SH3GL1: variants seen among roughly 807,000 people sequenced by gnomAD.
The protein encoded by SH3GL1 is SH3 domain containing GRB2 like 1, endophilin A2, also known as endophilin-A2.
SH3GL1 carries 21 observed loss-of-function variants against 48.8 expected under a neutral mutation model. The ratio of observed to expected loss-of-function variants is 0.43; its 90% CI spans 0.30 to 0.62. SH3GL1 has a LOEUF of 0.62. Among genes scored for constraint, SH3GL1 ranks in the 20% least tolerant of loss-of-function variants. The pLI is 0.11. For synonymous variants in SH3GL1, 282 were observed against 217.5 expected (o/e 1.30, Z -2.61); for missense variants, 454 against 503.0 (o/e 0.90, Z 0.93).
chr19:4,382,478 C>T (rs1193064893), intron 1 of SH3GL1, among the ~76,000 whole-genome samples: 3 of 151,826 alleles, frequency 2.0e-5, no homozygotes, highest in African/African-American at 7.3e-5. Context: ...AGGATGGTCT[C>T]GATCTCCTGA....
intron 1 of SH3GL1, among the ~76,000 whole-genome samples, chr19:4,381,135 CT>C (rs1328540771): frequency 1.6e-5 from 2 of 125,682 alleles, no homozygotes; most frequent in Admixed American, 1.6e-4. Flanking sequence ...CTCTATCCCC[CT>C]GCCTCTCTGT....
chr19:4,363,932 C>T (rs1050027926), intron 5 of SH3GL1, 54 bp from the exon 6 acceptor site: 13 of 1,610,076 alleles, frequency 8.1e-6, no homozygotes, highest in Admixed American at 3.3e-5. Flanking sequence ...GGCCGCCCCA[C>T]GCATGGCTTT....
intron 1 of SH3GL1, among the ~76,000 whole-genome samples, chr19:4,396,760 C>T (rs554441558): frequency 4.6e-5 from 7 of 152,022 alleles, no homozygotes; most frequent in Non-Finnish European, 8.8e-5. Context: ...CCCTGGGCAC[C>T]GGAGGATGTC....
chr19:4,361,852 C>A, intron 9 of SH3GL1, 56 bp from the exon 10 acceptor site: 9 of 1,312,112 alleles, frequency 6.9e-6, no homozygotes, highest in South Asian at 2.4e-5. Flanking sequence ...CCCGCCCAGT[C>A]TGGGGTCTCA....
chr19:4,399,807 G>C (rs894408653), intron 1 of SH3GL1, among the ~76,000 whole-genome samples: 1 of 152,240 alleles, frequency 6.6e-6, no homozygotes, highest in Non-Finnish European at 1.5e-5. Flanking sequence ...GGGACATACG[G>C]AGTCGATGAC....
In SH3GL1 at chr19:4,365,546, C is replaced by T. The variant is rs373649255; in HGVS notation, c.267G>A (p.Ser89=). Residue 89 remains serine, a synonymous_variant, in exon 4 of 10, where the codon TCG becomes TCA. Transcript: ENST00000269886. ...TCATGCACTCGCCCAGAAGCCCCTC[C>T]GACTGCGGGTAGCCGGGGTTCTTCA... The part of the protein sequence containing the change: ...GQVKNPGYPQ[S]EGLLGECMIR... The T allele has an allele frequency of 2.9e-5, 47 of 1,613,932 alleles. No homozygotes were observed. The highest frequency in any genetic ancestry group is 2.2e-4 in the East Asian group (10 of 44,894).
chr19:4,373,744 A>G (rs757567291), intron 1 of SH3GL1, among the ~76,000 whole-genome samples: 4 of 152,044 alleles, frequency 2.6e-5, no homozygotes, highest in Non-Finnish European at 5.9e-5. Context: ...GCTCTGCCTC[A>G]GACCAGGCCA....
Position 4,361,229 on chromosome 19 carries a change from C to T in SH3GL1, c.*371G>A, listed in dbSNP as rs906491872. On this transcript the variant is annotated 3_prime_UTR_variant, in exon 10 of 10. Coordinates refer to ENST00000269886, the MANE Select transcript of SH3GL1 (RefSeq NM_003025.4). ...GGTAGGCAGTGGGCCGGGCCCCCGT[C>T]GGGTCAGGACGGAGGTGGGGGCTGC... 3 of 312,982 alleles carry T rather than the reference C, an allele frequency of 9.6e-6. No homozygotes were observed. The highest frequency in any genetic ancestry group is 2.1e-5 in the African/African-American group (1 of 46,968). 19.4% of individuals were successfully genotyped at this position (312,982 alleles called of 1,614,324 possible).
intron 1 of SH3GL1, among the ~76,000 whole-genome samples, chr19:4,368,924 T>C (rs372755247): frequency 4.6e-5 from 7 of 151,954 alleles, no homozygotes; most frequent in African/African-American, 1.7e-4. Flanking sequence ...ACAAAAAAAT[T>C]AGCCGGGCCT....
In SH3GL1 at chr19:4,374,298, AGCCAGGG is replaced by A. The variant is rs138874084; in HGVS notation, c.46-7311_46-7305del. On this transcript the variant is annotated intron_variant, in intron 1 of 9. Transcript: ENST00000269886. Reference sequence around the variant, plus strand: ...TCAGCGGTGGCCACAACAGAGTGGCAGCCAGGGGCCAGGGGCCAGCTCTGTGACCATC... The same window carrying A: ...TCAGCGGTGGCCACAACAGAGTGGCAGCCAGGGGCCAGCTCTGTGACCATC... Among the ~76,000 whole-genome samples, 223 of 152,322 alleles carry A rather than the reference AGCCAGGG, an allele frequency of 1.5e-3. 1 individual carries two copies. The highest frequency in any genetic ancestry group is 5.1e-3 in the African/African-American group (214 of 41,576).
At chr19:4,384,145 C>T (rs972990565) in intron 1 of SH3GL1, among the ~76,000 whole-genome samples, 6 of 152,202 alleles carry the variant, frequency 3.9e-5, no homozygotes, top group African/African-American at 1.4e-4. Flanking sequence ...AAACTGAAAA[C>T]GCAGGCTCCA....
intron 6 of SH3GL1, 85 bp from the exon 7 acceptor site, chr19:4,363,558 C>A: frequency 6.8e-7 from 1 of 1,472,072 alleles, no homozygotes; most frequent in East Asian, 2.4e-5. Context: ...CCACAGGAGG[C>A]AAGGGGGCTG....
chr19:4,399,673 G>T (rs1973487206), intron 1 of SH3GL1, among the ~76,000 whole-genome samples: 1 of 152,188 alleles, frequency 6.6e-6, no homozygotes, highest in African/African-American at 2.4e-5. Context: ...TGCCGACGGA[G>T]GGGGAGAAAT....
At chr19:4,366,313 AG>A (rs1358391771) in intron 3 of SH3GL1, among the ~76,000 whole-genome samples, 187 bp downstream of exon 3, 2 of 152,086 alleles carry the variant, frequency 1.3e-5, no homozygotes, top group Non-Finnish European at 2.9e-5. Context: ...AAGCCAACAG[AG>A]GGGCTGAGCT....
chr19:4,364,040 A>G (rs1156329791), intron 5 of SH3GL1, 48 bp downstream of exon 5: 1 of 1,609,674 alleles, frequency 6.2e-7, no homozygotes, highest in African/African-American at 1.3e-5. Flanking sequence ...GGGCTGCCCC[A>G]TCCGGCAGGG....
chr19:4,384,200 T>C (rs1973191647), intron 1 of SH3GL1, among the ~76,000 whole-genome samples: 1 of 152,114 alleles, frequency 6.6e-6, no homozygotes, highest in Non-Finnish European at 1.5e-5. Context: ...GTGAGGAGGA[T>C]GCCCAGCAGA....
chr19:4,370,859 A>G (rs1254766033), intron 1 of SH3GL1, among the ~76,000 whole-genome samples: 1 of 152,230 alleles, frequency 6.6e-6, no homozygotes, highest in African/African-American at 2.4e-5. Context: ...GGCCTCTGGG[A>G]AGGATCCCAC....
At chr19:4,365,418 C>G (rs1351005059) in intron 4 of SH3GL1, 64 bp downstream of exon 4, 1 of 1,604,950 alleles carries the variant, frequency 6.2e-7, no homozygotes, top group Admixed American at 1.7e-5. Context: ...CTGGACCTGC[C>G]CTGCCTGTGT....
intron 2 of SH3GL1, 121 bp from the exon 3 acceptor site, chr19:4,366,694 C>G: frequency 9.9e-7 from 1 of 1,006,918 alleles, no homozygotes; most frequent in Non-Finnish European, 1.5e-6. Flanking sequence ...AACCCCCTCT[C>G]CATGTCTTCA....
Sources: allele counts gnomAD v4.1 joint callset (sites outside exome capture counted in the v4.1 genomes callset), GRCh38; gene constraint gnomAD v4.1.1; transcripts MANE v1.5; gene names NCBI Gene and HGNC (gene_info 2026-07-23, HGNC 2026-07-21).